The following PIWIL3 variants were observed in gnomAD, a reference collection of about 807,000 sequenced individuals.
The protein encoded by PIWIL3 is piwi like RNA-mediated gene silencing 3.
A neutral mutation model predicts 109.7 loss-of-function variants in PIWIL3; 101 were observed. The ratio of observed to expected loss-of-function variants is 0.92; its 90% CI spans 0.78 to 1.09. The LOEUF (loss-of-function observed/expected upper bound fraction) is 1.09. PIWIL3 is among the 50% of genes least tolerant of loss of function. The pLI is 0.00. For missense variants in PIWIL3, 1,031 were observed against 1,072.6 expected, an observed-to-expected ratio of 0.96 and a Z score of 0.54; for synonymous variants, 373 against 376.4, an observed-to-expected ratio of 0.99 and a Z score of 0.10.
chr22:24,743,393 C>A (rs1924124155), intron 12 of PIWIL3, among the ~76,000 whole-genome samples: 1 of 152,184 alleles, frequency 6.6e-6, no homozygotes, highest in South Asian at 2.1e-4. Context: ...CTTGCACATG[C>A]AAGTTTATAG....
intron 1 of PIWIL3, among the ~76,000 whole-genome samples, chr22:24,773,519 A>C (rs935942851): frequency 6.6e-6 from 1 of 152,048 alleles, no homozygotes; most frequent in African/African-American, 2.4e-5. Flanking sequence ...CATCCCCATC[A>C]ACCACAGGAG....
At chr22:24,736,697 C>G (rs953501202) in intron 12 of PIWIL3, among the ~76,000 whole-genome samples, 7 of 138,220 alleles carry the variant, frequency 5.1e-5, no homozygotes, top group Admixed American at 3.4e-4. Context: ...GTAGGAAAAA[C>G]AGTCTTGAAT....
intron 8 of PIWIL3, among the ~76,000 whole-genome samples, chr22:24,752,548 G>C (rs1294490502): frequency 6.6e-6 from 1 of 152,102 alleles, no homozygotes; most frequent in African/African-American, 2.4e-5. Context: ...CCTCTGCAAA[G>C]CAGGAGATTC....
At chr22:24,745,064 G>C (rs559478172) in intron 12 of PIWIL3, among the ~76,000 whole-genome samples, 129 of 152,238 alleles carry the variant, frequency 8.5e-4, no homozygotes, top group Non-Finnish European at 1.7e-3. Context: ...AATCAAAAAC[G>C]AGGAATTTTG....
rs1366103568 is a variant in PIWIL3 at position 24,724,995 on chromosome 22, T to C, written c.2123A>G (p.His708Arg). The change falls in exon 18 of 21, where the codon CAT becomes CGT. Residue 708 changes from histidine to arginine, a missense_variant. His to Arg is a conservative substitution (Grantham distance 29). Transcript: ENST00000616349. ...VWCKNESSMP[H>R]SVIVYRDGVG... ...TCCATCCCGATACACAATAACAGAA[T>C]GTGGCATCGATGATTCGTTTTTACA... 5.6e-6 allele frequency: 9 copies of C among 1,614,046 alleles called. No individual in the cohort carries two copies. In the Middle Eastern group the frequency reaches 6.6e-4, roughly 118 times the overall value.
intron 16 of PIWIL3, among the ~76,000 whole-genome samples, chr22:24,727,513 A>G (rs1415695914): frequency 1.3e-5 from 2 of 152,190 alleles, no homozygotes; most frequent in Non-Finnish European, 2.9e-5. Flanking sequence ...ACAACAACAA[A>G]AACCAGGGAC....
intron 9 of PIWIL3, 104 bp downstream of exon 9, chr22:24,751,283 T>C: frequency 3.3e-6 from 4 of 1,201,338 alleles, no homozygotes; most frequent in Admixed American, 4.7e-5. Flanking sequence ...AAAAGGAAAA[T>C]ATGTATGTTT....
At chr22:24,763,158 T>G (rs1198821503) in intron 1 of PIWIL3, among the ~76,000 whole-genome samples, 3 of 151,700 alleles carry the variant, frequency 2.0e-5, no homozygotes, top group Non-Finnish European at 4.4e-5. Context: ...CTTTTTTTTT[T>G]TTTTGAGAGG....
Position 24,735,698 on chromosome 22 carries a change from C to T in PIWIL3, c.1634+10G>A. ...ATCGATTTTCAAATGGGAATTTCTG[C>T]TCTACTTACATTTCTGCTGGTTTCA... On this transcript the variant is annotated intron_variant, in intron 13 of 20. Transcript: ENST00000616349. 6.4e-7 allele frequency: 1 copy of T among 1,566,044 alleles called. No individual in the cohort carries two copies. The highest frequency in any genetic ancestry group is 8.6e-7 in the Non-Finnish European group (1 of 1,160,902).
At chr22:24,766,545 A>G (rs1925806491) in intron 1 of PIWIL3, among the ~76,000 whole-genome samples, 1 of 151,114 alleles carries the variant, frequency 6.6e-6, no homozygotes, top group Non-Finnish European at 1.5e-5. Flanking sequence ...GATGGTCTTG[A>G]TCTCCTGACC....
chr22:24,729,316 C>G (rs1923192509), intron 14 of PIWIL3, among the ~76,000 whole-genome samples: 1 of 152,128 alleles, frequency 6.6e-6, no homozygotes, highest in Non-Finnish European at 1.5e-5. Context: ...ATTTTCTTGG[C>G]CATGAAACAG....
In PIWIL3 at chr22:24,760,109, A is replaced by T. The variant is rs550142012; in HGVS notation, c.103-120T>A. 1.2e-5 allele frequency: 17 copies of T among 1,361,452 alleles called. No homozygotes were observed. In the South Asian group the frequency reaches 2.3e-4, roughly 18 times the overall value. 84.3% of individuals were successfully genotyped at this position (1,361,452 alleles called of 1,614,324 possible). ...CCTCTGAAAAGCTCACATTCCAGTG[A>T]CATAAACTAAGTTGTAATAAGCAAC... On this transcript the variant is annotated intron_variant, in intron 2 of 20. Transcript: ENST00000616349.
chr22:24,734,775 C>T (rs112947705), intron 13 of PIWIL3, among the ~76,000 whole-genome samples: 154 of 150,896 alleles, frequency 1.0e-3, no homozygotes, highest in African/African-American at 3.7e-3. Flanking sequence ...TCCTGTGTTC[C>T]TAACAAACCC....
At position 24,756,641 on chromosome 22, in the gene PIWIL3, C is replaced by T. The variant is rs1459067980; in HGVS notation, c.420G>A (p.Trp140Ter). 8 of 1,614,002 alleles carry T rather than the reference C, an allele frequency of 5.0e-6. No individual in the cohort carries two copies. The highest frequency in any genetic ancestry group is 3.3e-5 in the South Asian group (3 of 91,060). The change falls in exon 5 of 21, where the codon TGG (tryptophan) becomes TGA (stop). Residue 140 changes from tryptophan (W) to a stop codon, truncating the protein, a stop_gained. Coordinates refer to ENST00000616349, the MANE Select transcript of PIWIL3 (RefSeq NM_001255975.1). LOFTEE classifies it high-confidence loss of function. ...NHFRVISRPQ[W>*]VAYKYNVDYK... ...AGTCAACGTTGTATTTATATGCAAC[C>T]CACTGAGGACGAGATATCACTCGGA...
At position 24,741,365 on chromosome 22, in the gene PIWIL3, C is replaced by T. The variant is rs139531533; in HGVS notation, c.1450-5473G>A. Among the ~76,000 whole-genome samples, 282 of 152,202 alleles carry T rather than the reference C, an allele frequency of 1.9e-3. 1 individual carries two copies. Among genetic ancestry groups the T allele is most frequent in the African/African-American group, 6.5e-3 (270 of 41,534 alleles). ...CTGTCTCTACTAAAAATTAGCCGGG[C>T]CTGGTGGCATGCACCATAGTCCCAG... On this transcript the variant is annotated intron_variant, in intron 12 of 20. Coordinates refer to ENST00000616349, the MANE Select transcript of PIWIL3 (RefSeq NM_001255975.1).
At chr22:24,720,181 G>C (rs1383063411) in intron 19 of PIWIL3, among the ~76,000 whole-genome samples, 2 of 151,232 alleles carry the variant, frequency 1.3e-5, no homozygotes, top group Admixed American at 1.3e-4. Context: ...ATCTGATATG[G>C]CCATAGATAA....
chr22:24,752,397 A>G (rs550722438), intron 8 of PIWIL3, among the ~76,000 whole-genome samples: 1 of 152,236 alleles, frequency 6.6e-6, no homozygotes, highest in Non-Finnish European at 1.5e-5. Flanking sequence ...TGGAGATCAC[A>G]TCTGCATAAT....
intron 1 of PIWIL3, among the ~76,000 whole-genome samples, chr22:24,769,047 C>G (rs539710048): frequency 6.6e-6 from 1 of 152,102 alleles, no homozygotes; most frequent in East Asian, 1.9e-4. Flanking sequence ...TACAGTCCTC[C>G]TTGGGTATCC....
chr22:24,753,636 G>A (rs192686491), intron 8 of PIWIL3, among the ~76,000 whole-genome samples: 149 of 152,294 alleles, frequency 9.8e-4, no homozygotes, highest in African/African-American at 3.5e-3. Context: ...CCAATTTAAG[G>A]TTTCTGCTGT....
Sources: allele counts gnomAD v4.1 joint callset (sites outside exome capture counted in the v4.1 genomes callset), GRCh38; gene constraint gnomAD v4.1.1; transcripts MANE v1.5; gene names NCBI Gene and HGNC (gene_info 2026-07-23, HGNC 2026-07-21).